HYOU1: variants seen among roughly 807,000 people sequenced by gnomAD.
The protein encoded by HYOU1 is hypoxia up-regulated 1, also known as hypoxia up-regulated protein 1.
In HYOU1, 40 loss-of-function variants were observed where a neutral mutation model predicts 120.5. That is an observed-to-expected ratio of 0.33 (90% CI 0.26 to 0.43). HYOU1 has a LOEUF of 0.43. HYOU1 is among the 20% of genes least tolerant of loss of function. The pLI is 1.00. For missense variants in HYOU1, 1,085 were observed against 1,278.3 expected (o/e 0.85, Z 2.31); for synonymous variants, 501 against 479.4 (o/e 1.05, Z -0.59).
At position 119,055,937 on chromosome 11, in the gene HYOU1, G is replaced by C. The variant is rs931768649; in HGVS notation, c.92-94C>G. The C allele has an allele frequency of 1.4e-6, 2 of 1,396,374 alleles. No individual in the cohort carries two copies. Among genetic ancestry groups the C allele is most frequent in the Non-Finnish European group, 1.0e-6 (1 of 984,574 alleles). The allele number at this position is 1,396,374 out of a possible 1,614,324, so 86.5% of individuals were successfully genotyped here. ...AGCATACCACTTTCCATGGGTAAACGAAGATGGCAAAAGACAAAAAGGCCT... is the reference window on the plus strand; with the variant it reads ...AGCATACCACTTTCCATGGGTAAACCAAGATGGCAAAAGACAAAAAGGCCT... On this transcript the variant is annotated intron_variant, in intron 2 of 25. Coordinates refer to ENST00000617285, the MANE Select transcript of HYOU1 (RefSeq NM_006389.5). The surrounding 1 kb of genome is among the most constrained non-coding windows in gnomAD (Gnocchi z 4.0).
chr11:119,052,667 G>A lies in HYOU1; in HGVS notation c.957C>T (p.Val319=), dbSNP rs2133594468. Residue 319 remains valine, a synonymous_variant, in exon 9 of 26, where the codon GTC becomes GTT. Transcript: ENST00000617285. The surrounding 1 kb of genome is among the most constrained non-coding windows in gnomAD (Gnocchi z 5.0). ...CCATGTGGTCAGCGTTGGCACTGAG[G>A]ACGGTTTTGAGCCGATTAGCCTCAC... is the stretch of plus-strand genomic sequence containing the variant. ...LLREANRLKT[V]LSANADHMAQ... 2 of 1,614,044 alleles carry A rather than the reference G, an allele frequency of 1.2e-6. No homozygotes were observed. Among genetic ancestry groups the A allele is most frequent in the Admixed American group, 3.3e-5 (2 of 59,994 alleles).
At chr11:119,047,301 C>A in intron 22 of HYOU1, 2 of 206,074 alleles carry the variant, frequency 9.7e-6, no homozygotes, top group Non-Finnish European at 2.0e-5. Flanking sequence ...CCCACCTCAG[C>A]CTCCTTAAGT....
chr11:119,048,448 G>A lies in HYOU1; in HGVS notation c.2253+28C>T, dbSNP rs115520137. On this transcript the variant is annotated intron_variant, in intron 19 of 25. Coordinates refer to ENST00000617285, the MANE Select transcript of HYOU1 (RefSeq NM_006389.5). The surrounding 1 kb of genome is among the most constrained non-coding windows in gnomAD (Gnocchi z 4.7). The stretch of plus-strand genomic sequence containing the variant: ...CACAGAGCCAGGTGTAAGCCCAGTG[G>A]GGGGGCTGCTGCCTCCTGCCCACTG... The A allele has an allele frequency of 5.6e-6, 9 of 1,613,264 alleles. No homozygotes were observed. Among genetic ancestry groups the A allele is most frequent in the Middle Eastern group, 3.3e-4 (2 of 6,012 alleles).
At position 119,052,811 on chromosome 11, in the gene HYOU1, C is replaced by T. The variant is rs1044120734; in HGVS notation, c.813G>A (p.Gly271=). The T allele has an allele frequency of 1.9e-6, 3 of 1,613,702 alleles. No homozygotes were observed. Among genetic ancestry groups the T allele is most frequent in the African/African-American group, 1.3e-5 (1 of 74,910 alleles). The change falls in exon 9 of 26, where the codon GGG becomes GGA. Residue 271 remains glycine (G), a synonymous_variant. Coordinates refer to ENST00000617285, the MANE Select transcript of HYOU1 (RefSeq NM_006389.5). The surrounding 1 kb of genome is among the most constrained non-coding windows in gnomAD (Gnocchi z 5.0). ...GAAGCCGGAGCTCCATCTCCAGGCC[C>T]CCCAGGGTACGGTCAAATCTGTTGA... ...IRGVGFDRTL[G]GLEMELRLRE...
At position 119,045,061 on chromosome 11, in the gene HYOU1, G is replaced by A; in HGVS notation, c.*532C>T. On this transcript the variant is annotated 3_prime_UTR_variant, in exon 26 of 26. Transcript: ENST00000617285. ...AGGAGCTGGATGGGAATGGGGAAGG[G>A]AGGCTCAGAGCAAGAGAAGCCCGCA... is the stretch of plus-strand genomic sequence containing the variant. 1 of 443,746 alleles carries A rather than the reference G, an allele frequency of 2.3e-6. No homozygotes were observed. Among genetic ancestry groups the A allele is most frequent in the South Asian group, 1.6e-5 (1 of 64,304 alleles). 27.5% of individuals were successfully genotyped at this position (443,746 alleles called of 1,614,324 possible).
rs1357758276 is a variant in HYOU1 at position 119,044,243 on chromosome 11, C to A, written c.*1350G>T. The A allele has an allele frequency of 7.4e-6, 1 of 134,320 alleles. No homozygotes were observed. The highest frequency in any genetic ancestry group is 1.6e-5 in the Non-Finnish European group (1 of 64,498). The allele number at this position is 134,320 out of a possible 1,614,324, so 8.3% of individuals were successfully genotyped here. ...TCTCAATTAACAATGGAGCAAAGTA[C>A]AATTTGACTCAAACCTGTCCAACCA... On this transcript the variant is annotated 3_prime_UTR_variant, in exon 26 of 26. Coordinates refer to ENST00000617285, the MANE Select transcript of HYOU1 (RefSeq NM_006389.5).
In HYOU1 at chr11:119,048,514, C is replaced by T. The variant is rs2133564991; in HGVS notation, c.2215G>A (p.Ala739Thr). 3.1e-6 allele frequency: 5 copies of T among 1,613,974 alleles called. No individual in the cohort carries two copies. Among genetic ancestry groups the T allele is most frequent in the South Asian group, 1.1e-5 (1 of 91,078 alleles). Residue 739 changes from alanine to threonine, a missense_variant, in exon 19 of 26, where the codon GCT becomes ACT. Physicochemically the swap from Ala to Thr is moderately conservative, Grantham distance 58. Around this residue, in one of 4 missense-constraint regions of HYOU1, gnomAD observed 516 missense variants for 517.1 expected, o/e 1.00. Coordinates refer to ENST00000617285, the MANE Select transcript of HYOU1 (RefSeq NM_006389.5). This position sits in a 1 kb window ranked among gnomAD's most constrained non-coding sequence, Gnocchi z 4.7. ...RDLEKQEREK[A>T]ANSLEAFIFE... ...ATGAATGCTTCCAAGCTGTTGGCAG[C>T]TTTTTCCCGTTCCTGCTTCTCCAGG...
Position 119,052,017 on chromosome 11 carries a change from A to AGCCCT in HYOU1, c.1205+68_1206-67dup. On this transcript the variant is annotated intron_variant, in intron 11 of 25. Coordinates refer to ENST00000617285, the MANE Select transcript of HYOU1 (RefSeq NM_006389.5). This position sits in a 1 kb window ranked among gnomAD's most constrained non-coding sequence, Gnocchi z 5.0. Reference sequence around the variant, plus strand: ...ATGCAACCGGGACTTCCCTCCCCTCAGCCCTCCAGCTGCTCAGCCCAAAGC... The same window carrying AGCCCT: ...ATGCAACCGGGACTTCCCTCCCCTCAGCCCTGCCCTCCAGCTGCTCAGCCCAAAGC... 6.2e-7 allele frequency: 1 copy of AGCCCT among 1,613,468 alleles called. No homozygotes were observed. Among genetic ancestry groups the AGCCCT allele is most frequent in the Admixed American group, 1.7e-5 (1 of 60,006 alleles).
rs2133587294 is a variant in HYOU1, at chr11:119,051,687, G to C, written c.1339-62C>G. ...CTAGAGAACCCGAGTAGGTTCTGGG[G>C]TAAGGATGGGGGTGGGATGGGGGAG... On this transcript the variant is annotated intron_variant, in intron 12 of 25. Coordinates refer to ENST00000617285, the MANE Select transcript of HYOU1 (RefSeq NM_006389.5). This position sits in a 1 kb window ranked among gnomAD's most constrained non-coding sequence, Gnocchi z 4.2. 2 of 1,585,338 alleles carry C rather than the reference G, an allele frequency of 1.3e-6. No homozygotes were observed. The highest frequency in any genetic ancestry group is 1.7e-6 in the Non-Finnish European group (2 of 1,155,998).
At chr11:119,045,759 G>A (rs2133544444) in intron 25 of HYOU1, 22 bp downstream of exon 25, 20 of 1,613,212 alleles carry the variant, frequency 1.2e-5, no homozygotes, top group Middle Eastern at 1.6e-4. Context: ...GCTTCCCACC[G>A]TAGCCCCGGC....
chr11:119,054,360 G>T (rs1187113605), intron 7 of HYOU1, 124 bp from the exon 8 acceptor site: 3 of 1,189,590 alleles, frequency 2.5e-6, no homozygotes, highest in East Asian at 2.4e-5. Context: ...CTCCAACAGG[G>T]GCTGGGAGGA....
At position 119,045,829 on chromosome 11, in the gene HYOU1, A is replaced by G. The variant is rs1279662780; in HGVS notation, c.2890T>C (p.Ser964Pro). Reference sequence around the variant, plus strand: ...AAAGGCTCAGTGTCTCCTGGCTCGGATCCTGCTTTGGGAAGAAACAGGTTA... The same window carrying G: ...AAAGGCTCAGTGTCTCCTGGCTCGGGTCCTGCTTTGGGAAGAAACAGGTTA... ...ISEPEKVETG[S>P]EPGDTEPLEL... The change falls in exon 25 of 26, where the codon TCC becomes CCC. Residue 964 changes from serine to proline, a missense_variant and splice_region_variant. By Grantham distance (74) the Ser-to-Pro change is moderately conservative. Around this residue, in one of 4 missense-constraint regions of HYOU1, gnomAD observed 516 missense variants for 517.1 expected, o/e 1.00. Coordinates refer to ENST00000617285, the MANE Select transcript of HYOU1 (RefSeq NM_006389.5). The G allele has an allele frequency of 1.9e-6, 3 of 1,612,516 alleles. No homozygotes were observed. The highest frequency in any genetic ancestry group is 8.5e-7 in the Non-Finnish European group (1 of 1,179,694).
At position 119,047,116 on chromosome 11, in the gene HYOU1, G is replaced by A. The variant is rs2133555117; in HGVS notation, c.2596-314C>T. On this transcript the variant is annotated intron_variant, in intron 22 of 25. Transcript: ENST00000617285. ...TGTTGCCAGGCTGGAGTGCAGTGGCGCGATCTCGACTCACTGCAACCTCCG... is the reference window on the plus strand; with the variant it reads ...TGTTGCCAGGCTGGAGTGCAGTGGCACGATCTCGACTCACTGCAACCTCCG... 46 of 260,432 alleles carry A rather than the reference G, an allele frequency of 1.8e-4. 1 individual carries two copies. Among genetic ancestry groups the A allele is most frequent in the African/African-American group, 9.4e-4 (42 of 44,522 alleles). 16.1% of individuals were successfully genotyped at this position (260,432 alleles called of 1,614,324 possible). A position where few individuals can be genotyped will look rare whatever the true frequency, so the allele number is the denominator to read the frequency against.
At position 119,045,812 on chromosome 11, in the gene HYOU1, A is replaced by G; in HGVS notation, c.2907T>C (p.Thr969=). 2.5e-6 allele frequency: 4 copies of G among 1,612,488 alleles called. No homozygotes were observed. Among genetic ancestry groups the G allele is most frequent in the Non-Finnish European group, 3.4e-6 (4 of 1,179,610 alleles). ...KVETGSEPGD[T]EPLELGGPGA... is the part of the protein sequence containing the mutation. ...CAGGACCTCCTAACTCCAAAGGCTC[A>G]GTGTCTCCTGGCTCGGATCCTGCTT... Residue 969 remains threonine, a synonymous_variant, in exon 25 of 26, where the codon ACT becomes ACC. Coordinates refer to ENST00000617285, the MANE Select transcript of HYOU1 (RefSeq NM_006389.5).
In HYOU1 at chr11:119,054,533, A is replaced by G. The variant is rs981680151; in HGVS notation, c.639T>C (p.Tyr213=). The G allele has an allele frequency of 1.2e-6, 2 of 1,614,166 alleles. No homozygotes were observed. Among genetic ancestry groups the G allele is most frequent in the Non-Finnish European group, 1.7e-6 (2 of 1,180,022 alleles). ...INDNTATALS[Y]GVFRRKDINT... The stretch of plus-strand genomic sequence containing the variant: ...TAATATCTTTCCGGCGGAAGACACC[A>G]TAGCTGAGGGCAGTGGCGGTGTTGT... The change falls in exon 7 of 26, where the codon TAT becomes TAC. Residue 213 remains tyrosine (Y), a synonymous_variant. Coordinates refer to ENST00000617285, the MANE Select transcript of HYOU1 (RefSeq NM_006389.5).
rs894102297 is a variant in HYOU1 at position 119,052,582 on chromosome 11, T to C, written c.987+55A>G. 2 of 1,567,148 alleles carry C rather than the reference T, an allele frequency of 1.3e-6. No individual in the cohort carries two copies. Among genetic ancestry groups the C allele is most frequent in the Non-Finnish European group, 8.7e-7 (1 of 1,153,896 alleles). ...CGAGCAGCCCAGTTCAGTGGCAGGGTCCCCCACCCTCTACGTGGGACAAAA... is the reference window on the plus strand; with the variant it reads ...CGAGCAGCCCAGTTCAGTGGCAGGGCCCCCCACCCTCTACGTGGGACAAAA... On this transcript the variant is annotated intron_variant, in intron 9 of 25. Coordinates refer to ENST00000617285, the MANE Select transcript of HYOU1 (RefSeq NM_006389.5). The surrounding 1 kb of genome is among the most constrained non-coding windows in gnomAD (Gnocchi z 5.0).
In HYOU1 at chr11:119,048,434, G is replaced by A. The variant is rs2133564043; in HGVS notation, c.2253+42C>T. 1.9e-6 allele frequency: 3 copies of A among 1,612,740 alleles called. No homozygotes were observed. The highest frequency in any genetic ancestry group is 2.2e-5 in the South Asian group (2 of 91,058). On this transcript the variant is annotated intron_variant, in intron 19 of 25. Coordinates refer to ENST00000617285, the MANE Select transcript of HYOU1 (RefSeq NM_006389.5). This position sits in a 1 kb window ranked among gnomAD's most constrained non-coding sequence, Gnocchi z 4.7. ...CCAGAGGCAAGGCCCACAGAGCCAGGTGTAAGCCCAGTGGGGGGGCTGCTG... is the reference window on the plus strand; with the variant it reads ...CCAGAGGCAAGGCCCACAGAGCCAGATGTAAGCCCAGTGGGGGGGCTGCTG...
intron 14 of HYOU1, 70 bp from the exon 15 acceptor site, chr11:119,049,907 T>C (rs2133576463): frequency 2.3e-5 from 33 of 1,417,790 alleles, no homozygotes; most frequent in Non-Finnish European, 2.9e-5. Context: ...TCTGCCAAAG[T>C]GGGTGTTTGC....
chr11:119,049,066 C>T lies in HYOU1; in HGVS notation c.1944G>A (p.Glu648=). 1 of 1,614,186 alleles carries T rather than the reference C, an allele frequency of 6.2e-7. No individual in the cohort carries two copies. The highest frequency in any genetic ancestry group is 1.1e-5 in the South Asian group (1 of 91,088). Residue 648 remains glutamate, a synonymous_variant, in exon 17 of 26, where the codon GAG becomes GAA. Coordinates refer to ENST00000617285, the MANE Select transcript of HYOU1 (RefSeq NM_006389.5). The stretch of plus-strand genomic sequence containing the variant: ...TTTCTTTTTCTGTGGCCTTTTCTCC[C>T]TCAGGGGTTGCATCTCCCTTAGGTT... The part of the protein sequence containing the change: ...PPEPKGDATP[E]GEKATEKENG...
Sources: allele counts gnomAD v4.1 joint callset, GRCh38; gene constraint gnomAD v4.1.1; regional missense constraint gnomAD v4.1.1; non-coding constraint Gnocchi (gnomAD v3.1); transcripts MANE v1.5; gene names NCBI Gene and HGNC (gene_info 2026-07-23, HGNC 2026-07-21).